Variants in COPB2 observed in about 807,000 individuals in gnomAD.
COPB2 encodes coat protein complex I subunit beta 2, also known as coatomer subunit beta'.
COPB2 carries 16 observed loss-of-function variants against 120.8 expected under a neutral mutation model. The ratio of observed to expected loss-of-function variants is 0.13; its 90% CI spans 0.09 to 0.20. The LOEUF is 0.20. Among genes scored for constraint, COPB2 ranks in the 10% least tolerant of loss-of-function variants. The pLI, the probability that COPB2 is intolerant of heterozygous loss-of-function variation, is 1.00. For synonymous variants in COPB2, 332 were observed against 366.3 expected, an observed-to-expected ratio of 0.91 and a Z score of 1.07; for missense variants, 794 against 1,076.5, an observed-to-expected ratio of 0.74 and a Z score of 3.67.
At chr3:139,381,827 C>G (rs1941820294) in intron 2 of COPB2, 1 of 151,042 alleles carries the variant, frequency 6.6e-6, no homozygotes, top group African/African-American at 2.4e-5. Context: ...TAGGAATAAT[C>G]AGAGAGAGAG....
chr3:139,358,205 C>G lies in COPB2; in HGVS notation c.2620G>C (p.Glu874Gln). The G allele has an allele frequency of 6.2e-7, 1 of 1,614,064 alleles. No homozygotes were observed. Among genetic ancestry groups the G allele is most frequent in the Non-Finnish European group, 8.5e-7 (1 of 1,179,926 alleles). The change falls in exon 21 of 22, where the codon GAA becomes CAA. Residue 874 changes from glutamate to glutamine, a missense_variant. Glu to Gln is a conservative substitution (Grantham distance 29). This residue lies in a region of COPB2 where 178 missense variants were observed against 183.2 expected (regional missense o/e 0.97). Transcript: ENST00000333188. ...GAGTATGATGTCTGACCTACCTTTTCTTCTTTGTTGGCTGTGTGGGAGGCC... is the reference window on the plus strand; with the variant it reads ...GAGTATGATGTCTGACCTACCTTTTGTTCTTTGTTGGCTGTGTGGGAGGCC... Reference protein sequence around the residue: ...IVASHTANKEEKSLLELEVDL... With the variant: ...IVASHTANKEQKSLLELEVDL...
intron 1 of COPB2, among the ~76,000 whole-genome samples, chr3:139,388,036 G>C (rs541217280): frequency 6.6e-6 from 1 of 152,126 alleles, no homozygotes; most frequent in South Asian, 2.1e-4. Context: ...TTCCACAAAG[G>C]ATTTAAAATA....
At chr3:139,365,970 C>T (rs1015977793) in intron 15 of COPB2, among the ~76,000 whole-genome samples, 1 of 151,858 alleles carries the variant, frequency 6.6e-6, no homozygotes, top group Non-Finnish European at 1.5e-5. Context: ...TGAAAGAAGG[C>T]GAAATTCTCA....
rs1406194358 is a variant in COPB2 at position 139,366,430 on chromosome 3, G to A, written c.1884+138C>T. On this transcript the variant is annotated intron_variant, in intron 15 of 21. Transcript: ENST00000333188. ...GGGTGTATCATGTGCTGTAATAAGTGCCTTAAACTCACAGGAGAAATTCTA... is the reference window on the plus strand; with the variant it reads ...GGGTGTATCATGTGCTGTAATAAGTACCTTAAACTCACAGGAGAAATTCTA... The A allele has an allele frequency of 3.8e-5, 27 of 713,042 alleles. 1 individual carries two copies. In the East Asian group the frequency reaches 6.2e-4, roughly 16 times the overall value. The allele number at this position is 713,042 out of a possible 1,614,324, so 44.2% of individuals were successfully genotyped here. A position where few individuals can be genotyped will look rare whatever the true frequency, so the allele number is the denominator to read the frequency against.
chr3:139,379,488 C>T (rs760569078), intron 2 of COPB2, 22 bp from the exon 3 acceptor site: 4 of 1,592,600 alleles, frequency 2.5e-6, no homozygotes, highest in South Asian at 2.2e-5. Context: ...AACAAGAATA[C>T]ACAAATTGAG....
In COPB2 at chr3:139,379,312, T is replaced by C. The variant is rs1941767370; in HGVS notation, c.228+68A>G. On this transcript the variant is annotated intron_variant, in intron 3 of 21. Transcript: ENST00000333188. ...CAAAACAAATCGGGAATCAAAATCC[T>C]GCAACAAATTTACACAATCATTGAC... 8 of 1,575,294 alleles carry C rather than the reference T, an allele frequency of 5.1e-6. No individual in the cohort carries two copies. In the Admixed American group the frequency reaches 5.1e-5, roughly 10 times the overall value.
At chr3:139,374,227 T>G (rs1941676435) in intron 7 of COPB2, 1 of 466,552 alleles carries the variant, frequency 2.1e-6, no homozygotes. Flanking sequence ...ACATGCTTTT[T>G]CAGTTTCTCT....
chr3:139,363,336 G>T (rs1004429563), intron 15 of COPB2, among the ~76,000 whole-genome samples: 1 of 152,152 alleles, frequency 6.6e-6, no homozygotes, highest in African/African-American at 2.4e-5. Flanking sequence ...GCCTGTAACG[G>T]CATTAGATTC....
chr3:139,364,042 G>A (rs939272962), intron 15 of COPB2, among the ~76,000 whole-genome samples: 1 of 123,702 alleles, frequency 8.1e-6, no homozygotes, highest in Non-Finnish European at 2.0e-5. Flanking sequence ...CACACTAAAA[G>A]GATTTTTTTT....
chr3:139,386,983 G>A (rs1240464601), intron 1 of COPB2, among the ~76,000 whole-genome samples: 1 of 149,390 alleles, frequency 6.7e-6, no homozygotes, highest in Non-Finnish European at 1.5e-5. Flanking sequence ...AGGATCACCT[G>A]AAGTCAGGAG....
At chr3:139,367,396 T>TC (rs1334452109) in intron 13 of COPB2, among the ~76,000 whole-genome samples, 1 of 151,910 alleles carries the variant, frequency 6.6e-6, no homozygotes, top group Non-Finnish European at 1.5e-5. Context: ...CAAGTGATTC[T>TC]CCTGCCTCAG....
chr3:139,371,588 TCCAATGGACAG>T, intron 10 of COPB2, 124 bp downstream of exon 10: 1 of 659,028 alleles, frequency 1.5e-6, no homozygotes, highest in East Asian at 2.8e-5. Context: ...ACTCTCATCT[TCCAATGGACAG>T]CTCTGGTGAG....
At chr3:139,368,383 A>G in intron 12 of COPB2, 95 bp from the exon 13 acceptor site, 2 of 1,278,382 alleles carry the variant, frequency 1.6e-6, no homozygotes, top group Non-Finnish European at 2.1e-6. Flanking sequence ...TTACCTTCTT[A>G]TATCAAGATG....
chr3:139,365,809 G>A (rs1258015295), intron 15 of COPB2, among the ~76,000 whole-genome samples: 1 of 152,158 alleles, frequency 6.6e-6, no homozygotes, highest in Non-Finnish European at 1.5e-5. Context: ...TGCAGGAAAG[G>A]AAAGCTAGAT....
Position 139,373,238 on chromosome 3 carries a change from T to A in COPB2, c.1069A>T (p.Thr357Ser), listed in dbSNP as rs1941654320. 1 of 1,614,080 alleles carries A rather than the reference T, an allele frequency of 6.2e-7. No homozygotes were observed. The highest frequency in any genetic ancestry group is 8.5e-7 in the Non-Finnish European group (1 of 1,179,960). The change falls in exon 9 of 22, where the codon ACT becomes TCT. Residue 357 changes from threonine (T) to serine (S), a missense_variant. Physicochemically the swap from Thr to Ser is moderately conservative, Grantham distance 58. This residue lies in a region of COPB2 where 610 missense variants were observed against 866.7 expected (regional missense o/e 0.70). Coordinates refer to ENST00000333188, the MANE Select transcript of COPB2 (RefSeq NM_004766.3). Reference sequence around the variant, plus strand: ...CGCCCATTAGGATTGTGCTGAATAGTCTGAGGGTATATTTCACAACTGCCC... The same window carrying A: ...CGCCCATTAGGATTGTGCTGAATAGACTGAGGGTATATTTCACAACTGCCC... ...DMGSCEIYPQTIQHNPNGRFV... is the reference protein window; with the variant it reads ...DMGSCEIYPQSIQHNPNGRFV...
chr3:139,365,480 A>G (rs548912664), intron 15 of COPB2, among the ~76,000 whole-genome samples: 6 of 152,366 alleles, frequency 3.9e-5, no homozygotes, highest in East Asian at 3.9e-4. Flanking sequence ...TTTATCTCTC[A>G]TTAACAATCC....
intron 17 of COPB2, among the ~76,000 whole-genome samples, chr3:139,360,070 T>C (rs1941381585): frequency 6.6e-6 from 1 of 152,142 alleles, no homozygotes; most frequent in South Asian, 2.1e-4. Flanking sequence ...CAGAATATTT[T>C]TGGATTTTTG....
chr3:139,371,376 G>A (rs1008051017), intron 10 of COPB2, among the ~76,000 whole-genome samples: 1 of 152,194 alleles, frequency 6.6e-6, no homozygotes, highest in Admixed American at 6.5e-5. Context: ...ATCACAGGGA[G>A]GGCATGCCAA....
At chr3:139,381,582 T>G (rs1477691178) in intron 2 of COPB2, 1 of 152,040 alleles carries the variant, frequency 6.6e-6, no homozygotes, top group Non-Finnish European at 1.5e-5. Context: ...AAGAAGGAAA[T>G]TAAACATGAA....
Sources: allele counts gnomAD v4.1 joint callset (sites outside exome capture counted in the v4.1 genomes callset), GRCh38; gene constraint gnomAD v4.1.1; regional missense constraint gnomAD v4.1.1; transcripts MANE v1.5; gene names NCBI Gene and HGNC (gene_info 2026-07-23, HGNC 2026-07-21).